Variants in PARD3B observed in about 807,000 individuals in gnomAD.
PARD3B encodes the protein partitioning defective 3 homolog B.
PARD3B carries 103 observed loss-of-function variants against 130.2 expected under a neutral mutation model. That is an observed-to-expected ratio of 0.79 (90% confidence interval 0.67 to 0.93). PARD3B has a LOEUF of 0.93. Ranked by LOEUF, PARD3B falls within the 40% of genes least tolerant of loss-of-function variation. The probability of loss-of-function intolerance (pLI) is 0.00; values close to 1 mark genes in which losing one functional copy is unlikely to be tolerated. For missense variants in PARD3B, 1,609 were observed against 1,499.2 expected (o/e 1.07, Z -1.21); for synonymous variants, 583 against 553.2 (o/e 1.05, Z -0.76).
At chr2:205,261,368 A>G (rs1348552340) in intron 16 of PARD3B, among the ~76,000 whole-genome samples, 1 of 152,152 alleles carries the variant, frequency 6.6e-6, no homozygotes, top group East Asian at 1.9e-4. Flanking sequence ...CCAAGATACC[A>G]CCATTGTGTC....
chr2:205,122,019 T>A lies in PARD3B; in HGVS notation c.1165+70T>A. On this transcript the variant is annotated intron_variant, in intron 8 of 22. Transcript: ENST00000406610. This position sits in a 1 kb window ranked among gnomAD's most constrained non-coding sequence, Gnocchi z 4.3. ...GTAAAATTGGTTAAGAGAAATGCAT[T>A]AAGGCTAATTTAGTTAATTCTCCCT... 1 of 1,290,860 alleles carries A rather than the reference T, an allele frequency of 7.7e-7. No individual in the cohort carries two copies. The highest frequency in any genetic ancestry group is 1.1e-6 in the Non-Finnish European group (1 of 940,258). 80.0% of individuals were successfully genotyped at this position (1,290,860 alleles called of 1,614,324 possible).
intron 1 of PARD3B, among the ~76,000 whole-genome samples, chr2:204,632,957 A>G (rs115282013): frequency 1.3e-5 from 2 of 152,100 alleles, no homozygotes; most frequent in Admixed American, 6.5e-5. Flanking sequence ...GCCTCCTCCC[A>G]TATTTTCTTT....
intron 15 of PARD3B, among the ~76,000 whole-genome samples, chr2:205,213,199 C>T (rs748212625): frequency 2.0e-5 from 3 of 150,810 alleles, no homozygotes; most frequent in Non-Finnish European, 4.4e-5. Flanking sequence ...CAAATCTTGC[C>T]TTCTCTAGGG....
At chr2:205,016,898 G>A (rs1158977230) in intron 3 of PARD3B, among the ~76,000 whole-genome samples, 1 of 152,146 alleles carries the variant, frequency 6.6e-6, no homozygotes, top group Non-Finnish European at 1.5e-5. Flanking sequence ...GGATAAAAAA[G>A]TTAAATAAAA....
chr2:205,550,955 G>GTGTGTATGTATATATATATA lies in PARD3B; in HGVS notation c.3181-2368_3181-2367insGTGTATGTATATATATATAT. Among the ~76,000 whole-genome samples, 1 of 94,466 alleles carries GTGTGTATGTATATATATATA rather than the reference G, an allele frequency of 1.1e-5. No individual in the cohort carries two copies. Among genetic ancestry groups the GTGTGTATGTATATATATATA allele is most frequent in the African/African-American group, 3.8e-5 (1 of 26,412 alleles). The allele number at this position is 94,466 out of a possible 152,430, so 62.0% of individuals were successfully genotyped here. On this transcript the variant is annotated intron_variant, in intron 21 of 22. Transcript: ENST00000406610. The surrounding 1 kb of genome is among the most constrained non-coding windows in gnomAD (Gnocchi z 4.5). ...TGTGTGTGTGTGTATATATATATGT[G>GTGTGTATGTATATATATATA]TATATATATATATATATATATACAC...
intron 2 of PARD3B, among the ~76,000 whole-genome samples, chr2:204,919,994 T>C (rs1451843754): frequency 6.6e-6 from 1 of 152,212 alleles, no homozygotes; most frequent in Non-Finnish European, 1.5e-5. Context: ...GTCTGCCCTT[T>C]ACATCTTATT....
chr2:204,930,292 C>T (rs1687936661), intron 2 of PARD3B, among the ~76,000 whole-genome samples: 1 of 151,802 alleles, frequency 6.6e-6, no homozygotes, highest in African/African-American at 2.4e-5. Flanking sequence ...GGACCTTCTG[C>T]AGATACCAAA....
At chr2:204,655,618 T>C (rs2125174939) in intron 1 of PARD3B, among the ~76,000 whole-genome samples, 1 of 152,298 alleles carries the variant, frequency 6.6e-6, no homozygotes, top group Middle Eastern at 3.4e-3. Context: ...CTGGAGGAGA[T>C]CATGACCCAG....
At chr2:205,556,274 A>G (rs1339396834) in intron 22 of PARD3B, among the ~76,000 whole-genome samples, 3 of 152,174 alleles carry the variant, frequency 2.0e-5, no homozygotes, top group Non-Finnish European at 4.4e-5. Context: ...TTGGGTTCCT[A>G]TGTTGTTTGT....
intron 20 of PARD3B, among the ~76,000 whole-genome samples, chr2:205,454,719 C>T (rs963344554): frequency 6.6e-6 from 1 of 152,104 alleles, no homozygotes; most frequent in Admixed American, 6.6e-5. Flanking sequence ...GGCCTAGGCT[C>T]AAGCCATGCT....
intron 21 of PARD3B, among the ~76,000 whole-genome samples, chr2:205,507,196 ATTTTTTTTTTTTTTTTTTTTT>A (rs71410819): frequency 7.9e-5 from 2 of 25,194 alleles, no homozygotes; most frequent in Non-Finnish European, 1.3e-4. Context: ...CAGGTGCAGT[ATTTTTTTTTTTTTTTTTTTTT>A]TTTTTTTTTT....
At chr2:205,191,860 G>C (rs2036416632) in intron 14 of PARD3B, among the ~76,000 whole-genome samples, 1 of 152,050 alleles carries the variant, frequency 6.6e-6, no homozygotes, top group Admixed American at 6.5e-5. Context: ...TCCTTTCTGG[G>C]GGAGGGTGGA....
At chr2:205,510,367 C>T (rs562252870) in intron 21 of PARD3B, among the ~76,000 whole-genome samples, 5 of 152,282 alleles carry the variant, frequency 3.3e-5, no homozygotes, top group Admixed American at 2.0e-4. Context: ...TTAGCCTCTT[C>T]GGTTATTCCA....
At chr2:205,433,614 ATTCTCTT>A (rs1186050191) in intron 19 of PARD3B, among the ~76,000 whole-genome samples, 1 of 151,822 alleles carries the variant, frequency 6.6e-6, no homozygotes, top group Non-Finnish European at 1.5e-5. Context: ...ACAGAGTAAT[ATTCTCTT>A]TTCTCTTTTA....
At chr2:205,479,723 G>C (rs1207503954) in intron 20 of PARD3B, among the ~76,000 whole-genome samples, 1 of 152,060 alleles carries the variant, frequency 6.6e-6, no homozygotes, top group Non-Finnish European at 1.5e-5. Context: ...CTTTTAGTTA[G>C]ATCATATTAC....
At chr2:205,119,923 G>A (rs564960019) in intron 7 of PARD3B, among the ~76,000 whole-genome samples, 33 of 152,182 alleles carry the variant, frequency 2.2e-4, no homozygotes, top group African/African-American at 7.7e-4. Context: ...TGTTGGCATT[G>A]CAGTGGGATT....
intron 21 of PARD3B, among the ~76,000 whole-genome samples, chr2:205,535,996 AGCCTAATAAAAATGTGGCAGCAG>A (rs2051837043): frequency 6.6e-6 from 1 of 152,194 alleles, no homozygotes; most frequent in African/African-American, 2.4e-5. Context: ...AATCAAGGTG[AGCCTAATAAAAATGTGGCAGCAG>A]GCCTAATGAA....
At chr2:204,571,635 T>C (rs1260580538) in intron 1 of PARD3B, among the ~76,000 whole-genome samples, 1 of 152,178 alleles carries the variant, frequency 6.6e-6, no homozygotes, top group African/African-American at 2.4e-5. Flanking sequence ...GTCTCCCTAA[T>C]TAGATTGTAA....
intron 22 of PARD3B, among the ~76,000 whole-genome samples, chr2:205,598,362 A>T (rs1180823473): frequency 6.6e-6 from 1 of 151,782 alleles, no homozygotes; most frequent in Non-Finnish European, 1.5e-5. Context: ...ATCAGAAAGG[A>T]CAAAAAAAAA....
Sources: gnomAD v4.1 joint callset for allele counts (sites outside exome capture counted in the v4.1 genomes callset) on GRCh38, gnomAD v4.1.1 for gene constraint, Gnocchi (gnomAD v3.1) non-coding constraint, MANE v1.5 for transcripts, NCBI Gene and HGNC (gene_info 2026-07-23, HGNC 2026-07-21) for gene names.